Variants in OGFOD3 observed in about 807,000 individuals in gnomAD.
OGFOD3 encodes 2-oxoglutarate and iron-dependent oxygenase domain-containing protein 3.
In OGFOD3, 35 loss-of-function variants were observed where a neutral mutation model predicts 39.8. That is an observed-to-expected ratio of 0.88 (90% confidence interval 0.67 to 1.17). The LOEUF (loss-of-function observed/expected upper bound fraction) is 1.17, where lower values mean the gene tolerates loss of function less well. Among genes scored for constraint, OGFOD3 ranks in the 50% most tolerant of loss-of-function variants. The pLI, the probability that OGFOD3 is intolerant of heterozygous loss-of-function variation, is 0.00. For synonymous variants in OGFOD3, 200 were observed against 192.0 expected (o/e 1.04, Z -0.34); for missense variants, 438 against 454.5 (o/e 0.96, Z 0.33).
In OGFOD3 at chr17:82,389,890, G is replaced by A. The variant is rs113286925; in HGVS notation, c.*2508C>T. The A allele has an allele frequency of 0.24, 36,705 of 151,980 alleles. 5,677 individuals carry two copies. Among genetic ancestry groups the A allele is most frequent in the Non-Finnish European group, 0.35 (23,865 of 67,954 alleles). The allele number at this position is 151,980 out of a possible 1,614,324, so 9.4% of individuals were successfully genotyped here. A position where few individuals can be genotyped will look rare whatever the true frequency, so the allele number is the denominator to read the frequency against. On this transcript the variant is annotated 3_prime_UTR_variant, in exon 9 of 9. Coordinates refer to ENST00000313056, the MANE Select transcript of OGFOD3 (RefSeq NM_024648.3). The surrounding 1 kb of genome is among the most constrained non-coding windows in gnomAD (Gnocchi z 4.6). ...AAAAAAATTAGCCGGGCATGGTGGC[G>A]GGCGCCTGTAGTCCCAGCTACTCGG... is the stretch of plus-strand genomic sequence containing the variant.
Position 82,411,546 on chromosome 17 carries a change from C to T in OGFOD3, c.305-16G>A. ...GGAGTGCAGCCTGTGAAGGGACAGC[C>T]AGGGTGAGACGCAGTTTCCAAGGCC... On this transcript the variant is annotated splice_polypyrimidine_tract_variant and intron_variant, in intron 2 of 8. Transcript: ENST00000313056. 1 of 1,612,614 alleles carries T rather than the reference C, an allele frequency of 6.2e-7. No homozygotes were observed. Among genetic ancestry groups the T allele is most frequent in the South Asian group, 1.1e-5 (1 of 91,044 alleles).
chr17:82,415,261 A>T lies in OGFOD3; in HGVS notation c.304+137T>A. 1 of 866,678 alleles carries T rather than the reference A, an allele frequency of 1.2e-6. No homozygotes were observed. The highest frequency in any genetic ancestry group is 1.8e-6 in the Non-Finnish European group (1 of 544,292). The allele number at this position is 866,678 out of a possible 1,614,324, so 53.7% of individuals were successfully genotyped here. On this transcript the variant is annotated intron_variant, in intron 2 of 8. Coordinates refer to ENST00000313056, the MANE Select transcript of OGFOD3 (RefSeq NM_024648.3). This position sits in a 1 kb window ranked among gnomAD's most constrained non-coding sequence, Gnocchi z 5.3. The stretch of plus-strand genomic sequence containing the variant: ...CTGCACTCCCAGTCAGACGTGGACT[A>T]GCCAGCCTGCAGGAGGGGAGAGGTT...
intron 3 of OGFOD3, among the ~76,000 whole-genome samples, chr17:82,409,907 AAGAGAG>A (rs71908507): frequency 8.6e-5 from 13 of 150,328 alleles, no homozygotes; most frequent in East Asian, 1.9e-4. Flanking sequence ...AAGAAAGAAA[AAGAGAG>A]AGAGAGAGAG....
intron 8 of OGFOD3, chr17:82,393,751 T>A (rs1030425437): frequency 6.6e-6 from 1 of 152,176 alleles, no homozygotes; most frequent in Admixed American, 6.5e-5. Context: ...TCGTCCACAC[T>A]CTCTGCTCTC....
chr17:82,417,771 G>A (rs887552355), intron 1 of OGFOD3, among the ~76,000 whole-genome samples: 1 of 152,048 alleles, frequency 6.6e-6, no homozygotes, highest in African/African-American at 2.4e-5. Flanking sequence ...CCAAACCTGA[G>A]GTGTCCTCCT....
In OGFOD3 at chr17:82,415,928, C is replaced by T. The variant is rs1312741625; in HGVS notation, c.75-301G>A. ...AAAAAAAAAAAAAGCCAGACATGCT[C>T]CTTATAAAAGCCACTTCAGGCCCGG... On this transcript the variant is annotated intron_variant, in intron 1 of 8. Transcript: ENST00000313056. The surrounding 1 kb of genome is among the most constrained non-coding windows in gnomAD (Gnocchi z 5.3). Among the ~76,000 whole-genome samples the T allele has an allele frequency of 6.6e-6, 1 of 151,926 alleles. No homozygotes were observed. The highest frequency in any genetic ancestry group is 1.5e-5 in the Non-Finnish European group (1 of 68,020).
intron 4 of OGFOD3, 23 bp downstream of exon 4, chr17:82,409,334 AAAAAAAGGGGG>A: frequency 6.2e-7 from 1 of 1,603,224 alleles, no homozygotes; most frequent in Non-Finnish European, 8.5e-7. Context: ...GTTAACGGGT[AAAAAAAGGGGG>A]GCAGGGACTA....
intron 2 of OGFOD3, among the ~76,000 whole-genome samples, chr17:82,414,884 T>G (rs2053007751): frequency 6.6e-6 from 1 of 152,150 alleles, no homozygotes; most frequent in South Asian, 2.1e-4. Flanking sequence ...CGGTCAGACC[T>G]GCTCCGAGGC....
In OGFOD3 at chr17:82,392,570, C is replaced by T; in HGVS notation, c.824-36G>A. On this transcript the variant is annotated intron_variant, in intron 8 of 8. Transcript: ENST00000313056. The surrounding 1 kb of genome is among the most constrained non-coding windows in gnomAD (Gnocchi z 4.2). The stretch of plus-strand genomic sequence containing the variant: ...AGAAGAGAGAGAGGTGGCCATAGAG[C>T]CACACCCACGGCCACAGCCTTCAGA... 1 of 1,559,352 alleles carries T rather than the reference C, an allele frequency of 6.4e-7. No individual in the cohort carries two copies. The highest frequency in any genetic ancestry group is 8.7e-7 in the Non-Finnish European group (1 of 1,151,812).
At chr17:82,398,076 G>T in intron 8 of OGFOD3, 120 bp downstream of exon 8, 2 of 1,283,594 alleles carry the variant, frequency 1.6e-6, no homozygotes, top group Non-Finnish European at 2.2e-6. Context: ...ACTCAGCACC[G>T]GCCCGGCACA....
chr17:82,416,529 CTCGT>C (rs1297732541), intron 1 of OGFOD3, among the ~76,000 whole-genome samples: 1 of 152,182 alleles, frequency 6.6e-6, no homozygotes, highest in African/African-American at 2.4e-5. Flanking sequence ...AAATAAGCTT[CTCGT>C]CTGTTCCAAG....
chr17:82,410,516 A>T (rs1203642507), intron 3 of OGFOD3, among the ~76,000 whole-genome samples: 1 of 152,134 alleles, frequency 6.6e-6, no homozygotes, highest in Non-Finnish European at 1.5e-5. Context: ...GCAGACACTG[A>T]GCGGTCATTG....
Position 82,398,858 on chromosome 17 carries a change from A to C in OGFOD3, c.700-539T>G, listed in dbSNP as rs181074766. On this transcript the variant is annotated intron_variant, in intron 7 of 8. Transcript: ENST00000313056. ...GGGTAGCCAGGACCACAGGCGCACG[A>C]CACTACAACCAGCTAATTTTTTCTT... Among the ~76,000 whole-genome samples the C allele has an allele frequency of 7.9e-3, 1,170 of 148,858 alleles. 15 individuals are homozygous for C. The highest frequency in any genetic ancestry group is 0.017 in the African/African-American group (704 of 40,244).
intron 3 of OGFOD3, among the ~76,000 whole-genome samples, chr17:82,410,359 A>G (rs2052923226): frequency 6.6e-6 from 1 of 152,252 alleles, no homozygotes; most frequent in Admixed American, 6.5e-5. Context: ...CCACATGCTT[A>G]TCGTCTCAAC....
At chr17:82,396,415 A>G (rs1223699355) in intron 8 of OGFOD3, 1 of 150,976 alleles carries the variant, frequency 6.6e-6, no homozygotes, top group Non-Finnish European at 1.5e-5. Context: ...ACGACATCAA[A>G]TCACAGGGAA....
chr17:82,397,761 G>A (rs922416764), intron 8 of OGFOD3, among the ~76,000 whole-genome samples: 4 of 152,140 alleles, frequency 2.6e-5, no homozygotes, highest in East Asian at 1.9e-4. Flanking sequence ...AGAGCCACCC[G>A]GTGAGGTTCC....
At position 82,415,296 on chromosome 17, in the gene OGFOD3, C is replaced by T. The variant is rs2053013422; in HGVS notation, c.304+102G>A. The T allele has an allele frequency of 8.5e-7, 1 of 1,183,168 alleles. No individual in the cohort carries two copies. The highest frequency in any genetic ancestry group is 1.2e-6 in the Non-Finnish European group (1 of 813,534). The allele number at this position is 1,183,168 out of a possible 1,614,324, so 73.3% of individuals were successfully genotyped here. On this transcript the variant is annotated intron_variant, in intron 2 of 8. Transcript: ENST00000313056. This position sits in a 1 kb window ranked among gnomAD's most constrained non-coding sequence, Gnocchi z 5.3. ...CAGGAGGGGAGAGGTTGTCTGCTACCCCCAAGCATACCACATCCAACCCAA... is the reference window on the plus strand; with the variant it reads ...CAGGAGGGGAGAGGTTGTCTGCTACTCCCAAGCATACCACATCCAACCCAA...
At chr17:82,411,052 T>C (rs2052934451) in intron 3 of OGFOD3, among the ~76,000 whole-genome samples, 1 of 148,952 alleles carries the variant, frequency 6.7e-6, no homozygotes, top group Non-Finnish European at 1.5e-5. Context: ...ATAAAATCTT[T>C]TTTTTTTTTT....
intron 1 of OGFOD3, 86 bp downstream of exon 1, chr17:82,418,326 A>G: frequency 8.4e-6 from 2 of 237,208 alleles, no homozygotes; most frequent in Non-Finnish European, 1.5e-5. Context: ...GGGTCGGGCC[A>G]GGCCCCGCCC....
Sources: allele counts gnomAD v4.1 joint callset (sites outside exome capture counted in the v4.1 genomes callset), GRCh38; gene constraint gnomAD v4.1.1; non-coding constraint Gnocchi (gnomAD v3.1); transcripts MANE v1.5; gene names NCBI Gene and HGNC (gene_info 2026-07-23, HGNC 2026-07-21).